Variants in CDH8 observed in about 807,000 individuals in gnomAD.
CDH8 encodes cadherin 8, also known as cadherin-8.
CDH8 carries 17 observed loss-of-function variants against 68.1 expected under a neutral mutation model. That is an observed-to-expected ratio of 0.25 (90% confidence interval 0.17 to 0.37). The LOEUF is 0.37. Ranked by LOEUF, CDH8 falls within the 10% of genes least tolerant of loss-of-function variation. The pLI is 1.00. For missense variants in CDH8, 763 were observed against 999.3 expected (o/e 0.76, Z 3.19); for synonymous variants, 372 against 365.1 (o/e 1.02, Z -0.21).
intron 2 of CDH8, among the ~76,000 whole-genome samples, chr16:61,915,247 T>C (rs1964220258): frequency 6.6e-6 from 1 of 152,176 alleles, no homozygotes; most frequent in African/African-American, 2.4e-5. Context: ...TACCCAGACA[T>C]AGAAGAAAAT....
chr16:61,742,593 GATC>G (rs1946554929), intron 8 of CDH8, among the ~76,000 whole-genome samples: 3 of 152,126 alleles, frequency 2.0e-5, no homozygotes, highest in Non-Finnish European at 2.9e-5. Flanking sequence ...TATAAAGATA[GATC>G]ATCTTTTTCT....
At chr16:61,927,887 C>A (rs1964480256) in intron 2 of CDH8, among the ~76,000 whole-genome samples, 1 of 152,144 alleles carries the variant, frequency 6.6e-6, no homozygotes, top group South Asian at 2.1e-4. Context: ...ATTTGAAAAT[C>A]ATTGCTGTGG....
intron 3 of CDH8, among the ~76,000 whole-genome samples, chr16:61,898,480 G>T (rs1963908561): frequency 6.6e-6 from 1 of 152,166 alleles, no homozygotes; most frequent in South Asian, 2.1e-4. Context: ...AGGTAGGTAA[G>T]AAAAGAATCA....
chr16:62,005,859 A>G (rs1225199087), intron 2 of CDH8, among the ~76,000 whole-genome samples: 1 of 152,158 alleles, frequency 6.6e-6, no homozygotes, highest in Non-Finnish European at 1.5e-5. Flanking sequence ...AAGGGACCAC[A>G]TAAACCATGT....
chr16:61,942,627 C>A (rs1964742052), intron 2 of CDH8, among the ~76,000 whole-genome samples: 1 of 152,198 alleles, frequency 6.6e-6, no homozygotes, highest in African/African-American at 2.4e-5. Context: ...TCTCATACCA[C>A]TCTACTGCTA....
At chr16:61,941,796 T>C (rs1352069950) in intron 2 of CDH8, among the ~76,000 whole-genome samples, 1 of 152,180 alleles carries the variant, frequency 6.6e-6, no homozygotes, top group Non-Finnish European at 1.5e-5. Context: ...TCTTTCATAA[T>C]CTTAATCTCC....
intron 8 of CDH8, among the ~76,000 whole-genome samples, chr16:61,782,368 G>C (rs1016506540): frequency 4.7e-4 from 71 of 152,238 alleles, no homozygotes; most frequent in Non-Finnish European, 8.8e-5. Flanking sequence ...CCCGAATATT[G>C]CGCTTTTCAG....
At chr16:61,880,151 C>A (rs1453428913) in intron 3 of CDH8, among the ~76,000 whole-genome samples, 2 of 152,256 alleles carry the variant, frequency 1.3e-5, no homozygotes, top group Admixed American at 6.5e-5. Context: ...GTCTTGAACT[C>A]CTGACCTTGT....
At chr16:62,010,189 T>C (rs555320361) in intron 2 of CDH8, among the ~76,000 whole-genome samples, 8 of 152,228 alleles carry the variant, frequency 5.3e-5, no homozygotes, top group Non-Finnish European at 1.2e-4. Flanking sequence ...GCAAAAAATA[T>C]GTGTGGTGGC....
At position 61,647,762 on chromosome 16, in the gene CDH8, G is replaced by A. The variant is rs1596826371; in HGVS notation, c.*5846C>T. On this transcript the variant is annotated 3_prime_UTR_variant, in exon 12 of 12. Transcript: ENST00000577390. ...AAGAAATCCCAAGAAATTAACATTT[G>A]GCTTTGGTGACCTCTCATTTCCTTT... 1.4e-6 allele frequency: 1 copy of A among 697,290 alleles called. No homozygotes were observed. Among genetic ancestry groups the A allele is most frequent in the East Asian group, 2.7e-5 (1 of 37,152 alleles). The allele number at this position is 697,290 out of a possible 1,614,324, so 43.2% of individuals were successfully genotyped here.
chr16:61,659,937 AC>A (rs1963523658), intron 10 of CDH8, among the ~76,000 whole-genome samples: 1 of 152,152 alleles, frequency 6.6e-6, no homozygotes, highest in African/African-American at 2.4e-5. Flanking sequence ...AGCCTTACAA[AC>A]AATACAGAAA....
At chr16:61,968,651 G>A (rs542693718) in intron 2 of CDH8, among the ~76,000 whole-genome samples, 2 of 152,196 alleles carry the variant, frequency 1.3e-5, no homozygotes, top group African/African-American at 2.4e-5. Flanking sequence ...ATGAGGCATC[G>A]TTTTTTAGAC....
intron 3 of CDH8, among the ~76,000 whole-genome samples, chr16:61,872,102 A>G (rs1410400519): frequency 6.6e-6 from 1 of 152,224 alleles, no homozygotes; most frequent in South Asian, 2.1e-4. Flanking sequence ...ACAGGAATTT[A>G]CTTCACATAT....
rs1964056209 is a variant in CDH8, at chr16:61,683,869, T to C, written c.1655-28148A>G. On this transcript the variant is annotated intron_variant, in intron 10 of 11. Coordinates refer to ENST00000577390, the MANE Select transcript of CDH8 (RefSeq NM_001796.5). ...GGGCAGGGCCCATGTTTGGTATTTC[T>C]AGAAAGGCCAGTTGAAGACAGAACA... 3.9e-5 allele frequency among the ~76,000 whole-genome samples: 6 copies of C among 152,038 alleles called. No homozygotes were observed. The South Asian group carries it at 6.2e-4, about 16-fold the overall frequency.
intron 10 of CDH8, among the ~76,000 whole-genome samples, chr16:61,685,943 C>T (rs77447483): frequency 0.033 from 4,978 of 151,948 alleles, 393 homozygotes; most frequent in East Asian, 0.26. Flanking sequence ...TATTTATGGG[C>T]GGGAGTCTTT....
intron 2 of CDH8, among the ~76,000 whole-genome samples, chr16:61,931,605 C>T (rs938801053): frequency 2.0e-5 from 3 of 152,110 alleles, no homozygotes; most frequent in Non-Finnish European, 2.9e-5. Context: ...TATTAGAAAC[C>T]CCCACTTTCC....
rs903295014 is a variant in CDH8 at position 61,663,899 on chromosome 16, G to A, written c.1655-8178C>T. On this transcript the variant is annotated intron_variant, in intron 10 of 11. Transcript: ENST00000577390. Reference sequence around the variant, plus strand: ...GTGTGTATGTGTGTCTTGAGGGGGAGGGAAACAAGGAAGAGAGAGAGTACA... The same window carrying A: ...GTGTGTATGTGTGTCTTGAGGGGGAAGGAAACAAGGAAGAGAGAGAGTACA... 2.0e-5 allele frequency among the ~76,000 whole-genome samples: 3 copies of A among 151,980 alleles called. No homozygotes were observed. The South Asian group carries it at 6.2e-4, about 32-fold the overall frequency.
chr16:61,910,283 TTC>T (rs1964137796), intron 2 of CDH8, among the ~76,000 whole-genome samples: 1 of 151,752 alleles, frequency 6.6e-6, no homozygotes, highest in Non-Finnish European at 1.5e-5. Context: ...TTCTTAGAAT[TTC>T]TCTTTTTCTT....
intron 4 of CDH8, among the ~76,000 whole-genome samples, chr16:61,854,435 A>G (rs1166331148): frequency 1.3e-5 from 2 of 152,094 alleles, no homozygotes; most frequent in Non-Finnish European, 2.9e-5. Flanking sequence ...TGTCAGATCT[A>G]CATTGCCTTA....
Sources: gnomAD v4.1 joint callset for allele counts (sites outside exome capture counted in the v4.1 genomes callset) on GRCh38, gnomAD v4.1.1 for gene constraint, MANE v1.5 for transcripts, NCBI Gene and HGNC (gene_info 2026-07-23, HGNC 2026-07-21) for gene names.